The following CRACD variants were observed in gnomAD, a reference collection of about 807,000 sequenced individuals.
The protein encoded by CRACD is capping protein-inhibiting regulator of actin dynamics.
Under a neutral mutation model 106.8 loss-of-function variants are expected in CRACD, and 56 were observed. The ratio of observed to expected loss-of-function variants is 0.52; its 90% CI spans 0.42 to 0.66. CRACD has a LOEUF of 0.66. Ranked by LOEUF, CRACD falls within the 30% of genes least tolerant of loss-of-function variation. The probability of loss-of-function intolerance (pLI) is 0.00; values close to 1 mark genes in which losing one functional copy is unlikely to be tolerated. For missense variants in CRACD, 1,730 were observed against 1,623.2 expected (o/e 1.07, Z -1.13); for synonymous variants, 754 against 670.8 (o/e 1.12, Z -1.92).
intron 2 of CRACD, among the ~76,000 whole-genome samples, chr4:56,181,134 A>G (rs935099878): frequency 2.0e-5 from 3 of 152,226 alleles, no homozygotes; most frequent in African/African-American, 7.2e-5. Flanking sequence ...ACACGTTACT[A>G]GGATATTAGA....
At chr4:56,108,624 G>C (rs527322283) in intron 1 of CRACD, among the ~76,000 whole-genome samples, 2 of 152,004 alleles carry the variant, frequency 1.3e-5, no homozygotes, top group African/African-American at 4.8e-5. Flanking sequence ...GGCTGGGCGC[G>C]CTGATATTTA....
intron 2 of CRACD, among the ~76,000 whole-genome samples, chr4:56,252,512 T>C (rs761315733): frequency 1.1e-4 from 16 of 152,232 alleles, no homozygotes; most frequent in Non-Finnish European, 2.4e-4. Flanking sequence ...AGCTCAAGGC[T>C]ATAGTATTGA....
chr4:56,139,217 C>G (rs1364522142), intron 1 of CRACD, among the ~76,000 whole-genome samples: 2 of 152,146 alleles, frequency 1.3e-5, no homozygotes, highest in Non-Finnish European at 2.9e-5. Flanking sequence ...CATTATATGT[C>G]ATAATATTAC....
chr4:56,086,231 G>A (rs1441810163), intron 1 of CRACD, among the ~76,000 whole-genome samples: 2 of 152,114 alleles, frequency 1.3e-5, no homozygotes, highest in Admixed American at 6.5e-5. Context: ...GCAGGGGGTC[G>A]GGGAGTGCAT....
chr4:56,147,109 C>A (rs930904505), intron 1 of CRACD, among the ~76,000 whole-genome samples: 1 of 152,100 alleles, frequency 6.6e-6, no homozygotes, highest in Non-Finnish European at 1.5e-5. Context: ...GCTAACTGTT[C>A]CCAACTCCCC....
At chr4:56,297,622 G>T (rs1744126597) in intron 3 of CRACD, among the ~76,000 whole-genome samples, 1 of 152,130 alleles carries the variant, frequency 6.6e-6, no homozygotes, top group Admixed American at 6.5e-5. Context: ...AAAAGTTTTT[G>T]TTGGATACCA....
At chr4:56,070,738 G>T (rs113483407) in intron 1 of CRACD, among the ~76,000 whole-genome samples, 36 of 152,094 alleles carry the variant, frequency 2.4e-4, no homozygotes, top group Non-Finnish European at 8.8e-5. Flanking sequence ...GGTGATGGGG[G>T]GTCAAACACT....
chr4:56,201,659 G>A (rs548929843), intron 2 of CRACD, among the ~76,000 whole-genome samples: 1 of 152,234 alleles, frequency 6.6e-6, no homozygotes, highest in East Asian at 1.9e-4. Context: ...GATGAAAACA[G>A]TTTTTCAAGT....
chr4:56,314,405 G>A lies in CRACD; in HGVS notation c.903G>A (p.Glu301=), dbSNP rs769611150. The A allele has an allele frequency of 2.6e-6, 4 of 1,545,576 alleles. No homozygotes were observed. Among genetic ancestry groups the A allele is most frequent in the East Asian group, 4.9e-5 (2 of 40,852 alleles). ...GGAGCCTGGAAGCGCCAGGTTGGGA[G>A]GACGCGGAGCGGAGGGAGCGTGAGG... ...QQRSLEAPGW[E]DAERREREER... Residue 301 remains glutamate (E), a synonymous_variant, in exon 8 of 11, where the codon GAG becomes GAA. Transcript: ENST00000682029. The surrounding 1 kb of genome is among the most constrained non-coding windows in gnomAD (Gnocchi z 4.4).
chr4:56,299,966 G>A (rs914903411), intron 4 of CRACD, among the ~76,000 whole-genome samples: 5 of 151,628 alleles, frequency 3.3e-5, no homozygotes, highest in East Asian at 2.0e-4. Context: ...GTGAAACCCC[G>A]TCTCTACTAA....
At chr4:56,142,048 G>T (rs1275845085) in intron 1 of CRACD, among the ~76,000 whole-genome samples, 1 of 151,918 alleles carries the variant, frequency 6.6e-6, no homozygotes, top group Non-Finnish European at 1.5e-5. Flanking sequence ...GTTCATTGAA[G>T]AAAAATAGAA....
At chr4:56,145,453 C>T (rs1735348734) in intron 1 of CRACD, among the ~76,000 whole-genome samples, 1 of 152,152 alleles carries the variant, frequency 6.6e-6, no homozygotes, top group East Asian at 1.9e-4. Context: ...TTTTCAAAAC[C>T]TTTTTCTCCC....
chr4:56,163,429 C>T (rs192029593), intron 1 of CRACD, among the ~76,000 whole-genome samples: 166 of 152,174 alleles, frequency 1.1e-3, no homozygotes, highest in Admixed American at 3.3e-3. Flanking sequence ...GAAATTGATG[C>T]TTGTCCTTTA....
chr4:56,255,133 A>AAAAAAAT (rs60416477), intron 2 of CRACD, among the ~76,000 whole-genome samples: 3 of 138,810 alleles, frequency 2.2e-5, no homozygotes, highest in African/African-American at 5.3e-5. Flanking sequence ...AAAAAAAAAA[A>AAAAAAAT]ACTAAAAATT....
At chr4:56,209,249 A>T (rs919679541) in intron 2 of CRACD, among the ~76,000 whole-genome samples, 1 of 152,124 alleles carries the variant, frequency 6.6e-6, no homozygotes. Flanking sequence ...TTTTATCTAC[A>T]TTCCTTTTAT....
At chr4:56,091,407 C>G (rs1733422695) in intron 1 of CRACD, among the ~76,000 whole-genome samples, 1 of 151,294 alleles carries the variant, frequency 6.6e-6, no homozygotes, top group South Asian at 2.1e-4. Context: ...ACAGGGGGAC[C>G]TCACCTAAAT....
intron 2 of CRACD, among the ~76,000 whole-genome samples, chr4:56,199,296 A>G (rs75088433): frequency 0.015 from 2,249 of 152,226 alleles, 62 homozygotes; most frequent in African/African-American, 0.052. Flanking sequence ...ACTAGCTCCA[A>G]TTTGCAAATG....
At chr4:56,191,925 G>A (rs959828207) in intron 2 of CRACD, among the ~76,000 whole-genome samples, 4 of 152,170 alleles carry the variant, frequency 2.6e-5, no homozygotes, top group African/African-American at 9.7e-5. Flanking sequence ...CTCAGTCCCA[G>A]ATGTAGAGCT....
At chr4:56,084,288 C>A (rs1274387588) in intron 1 of CRACD, among the ~76,000 whole-genome samples, 1 of 151,964 alleles carries the variant, frequency 6.6e-6, no homozygotes, top group Non-Finnish European at 1.5e-5. Flanking sequence ...TTCCTTTTTC[C>A]TTTTCTTCTT....
Sources: gnomAD v4.1 joint callset for allele counts (sites outside exome capture counted in the v4.1 genomes callset) on GRCh38, gnomAD v4.1.1 for gene constraint, Gnocchi (gnomAD v3.1) non-coding constraint, MANE v1.5 for transcripts, NCBI Gene and HGNC (gene_info 2026-07-23, HGNC 2026-07-21) for gene names.